Variants in CAPSL observed in about 807,000 individuals in gnomAD.
CAPSL encodes calcyphosine like, also known as calcyphosin-like protein.
Under a neutral mutation model 21.3 loss-of-function variants are expected in CAPSL, and 17 were observed. The observed-to-expected ratio is 0.80, with a 90% CI of 0.55 to 1.20. The LOEUF is 1.20. CAPSL is among the 50% of genes most tolerant of loss of function. The pLI, the probability that CAPSL is intolerant of heterozygous loss-of-function variation, is 0.00. For synonymous variants in CAPSL, 102 were observed against 89.3 expected, an observed-to-expected ratio of 1.14 and a Z score of -0.80; for missense variants, 289 against 259.3, an observed-to-expected ratio of 1.11 and a Z score of -0.79.
intron 2 of CAPSL, among the ~76,000 whole-genome samples, chr5:35,912,353 A>G: frequency 6.6e-6 from 1 of 152,176 alleles, no homozygotes. Context: ...GACAACTTTG[A>G]AGAGAGTAAT....
intron 1 of CAPSL, among the ~76,000 whole-genome samples, chr5:35,923,382 G>A (rs1362642100): frequency 1.3e-5 from 2 of 152,118 alleles, no homozygotes; most frequent in African/African-American, 4.8e-5. Flanking sequence ...GTAAGCATGT[G>A]TCCAGTTCCC....
At chr5:35,914,565 C>T (rs1304021015) in intron 2 of CAPSL, among the ~76,000 whole-genome samples, 11 of 152,082 alleles carry the variant, frequency 7.2e-5, no homozygotes, top group Admixed American at 7.2e-4. Context: ...TCACTCAAAA[C>T]CTCTCAACTA....
intron 1 of CAPSL, among the ~76,000 whole-genome samples, chr5:35,933,765 C>G (rs1738877425): frequency 6.6e-6 from 1 of 152,196 alleles, no homozygotes; most frequent in African/African-American, 2.4e-5. Context: ...CAACAGAGAA[C>G]TGTCCTGCTC....
chr5:35,904,430 A>C lies in CAPSL; in HGVS notation c.*115T>G. ...GCCCCAGAAAATGCAATATTTTGAC[A>C]CAGAAAAAAACATTAGGATGAGTGT... On this transcript the variant is annotated 3_prime_UTR_variant, in exon 5 of 5. Coordinates refer to ENST00000651391, the MANE Select transcript of CAPSL (RefSeq NM_001042625.2). 1 of 791,106 alleles carries C rather than the reference A, an allele frequency of 1.3e-6. No homozygotes were observed. The highest frequency in any genetic ancestry group is 1.8e-5 in the South Asian group (1 of 55,734). The allele number at this position is 791,106 out of a possible 1,614,324, so 49.0% of individuals were successfully genotyped here.
rs766095343 is a variant in CAPSL, at chr5:35,910,110, A to T, written c.316-35T>A. ...TAGAAGAATACATACAGAGACATAC[A>T]TAAGCAAATGAGCTTTTTTGGTATC... On this transcript the variant is annotated intron_variant, in intron 3 of 4. Coordinates refer to ENST00000651391, the MANE Select transcript of CAPSL (RefSeq NM_001042625.2). 4 of 1,530,802 alleles carry T rather than the reference A, an allele frequency of 2.6e-6. No homozygotes were observed. The African/African-American group carries it at 5.6e-5, about 21-fold the overall frequency. The allele number at this position is 1,530,802 out of a possible 1,614,324, so 94.8% of individuals were successfully genotyped here. A position where few individuals can be genotyped will look rare whatever the true frequency, so the allele number is the denominator to read the frequency against.
chr5:35,910,316 C>CTA (rs777462789), intron 3 of CAPSL, 50 bp downstream of exon 3: 4 of 1,578,488 alleles, frequency 2.5e-6, no homozygotes, highest in Non-Finnish European at 3.4e-6. Context: ...CCAACCCAAA[C>CTA]CACGTGAAAG....
At chr5:35,904,710 C>T (rs868686912) in intron 4 of CAPSL, 64 bp from the exon 5 acceptor site, 3 of 1,596,856 alleles carry the variant, frequency 1.9e-6, no homozygotes, top group Non-Finnish European at 2.6e-6. Context: ...TGGGCGCCCA[C>T]CTTGTGCACC....
In CAPSL at chr5:35,910,593, G is replaced by GT. The variant is rs773445907; in HGVS notation, c.138-51dup. On this transcript the variant is annotated intron_variant, in intron 2 of 4. Coordinates refer to ENST00000651391, the MANE Select transcript of CAPSL (RefSeq NM_001042625.2). ...CAGAAGAAATGTACAAATAACAGGT[G>GT]TAAGTGTAAAGATTAAAAAAAAATC... 28 of 1,346,606 alleles carry GT rather than the reference G, an allele frequency of 2.1e-5. No homozygotes were observed. In the African/African-American group the frequency reaches 2.3e-4, roughly 11 times the overall value. The allele number at this position is 1,346,606 out of a possible 1,614,324, so 83.4% of individuals were successfully genotyped here. A position where few individuals can be genotyped will look rare whatever the true frequency, so the allele number is the denominator to read the frequency against.
intron 1 of CAPSL, 45 bp from the exon 2 acceptor site, chr5:35,921,165 C>A: frequency 6.3e-7 from 1 of 1,594,182 alleles, no homozygotes. Flanking sequence ...GGCCTCGCCG[C>A]TGCCTCTGGC....
chr5:35,937,730 A>G (rs1030579485), intron 1 of CAPSL, among the ~76,000 whole-genome samples: 1 of 152,134 alleles, frequency 6.6e-6, no homozygotes, highest in East Asian at 1.9e-4. Flanking sequence ...GGTAATTTTT[A>G]TCAGAATATA....
rs1760625834 is a variant in CAPSL at position 35,904,484 on chromosome 5, C to A, written c.*61G>T. 1.7e-6 allele frequency: 2 copies of A among 1,208,978 alleles called. No homozygotes were observed. Among genetic ancestry groups the A allele is most frequent in the Non-Finnish European group, 2.4e-6 (2 of 830,504 alleles). 74.9% of individuals were successfully genotyped at this position (1,208,978 alleles called of 1,614,324 possible). A position where few individuals can be genotyped will look rare whatever the true frequency, so the allele number is the denominator to read the frequency against. ...ATCAAATACGATTCTGGTTTTTGAGCTGACATTTAGTCATTTGGAGCCACA... is the reference window on the plus strand; with the variant it reads ...ATCAAATACGATTCTGGTTTTTGAGATGACATTTAGTCATTTGGAGCCACA... On this transcript the variant is annotated 3_prime_UTR_variant, in exon 5 of 5. Coordinates refer to ENST00000651391, the MANE Select transcript of CAPSL (RefSeq NM_001042625.2).
At chr5:35,930,026 C>G (rs1358396516) in intron 1 of CAPSL, among the ~76,000 whole-genome samples, 2 of 152,094 alleles carry the variant, frequency 1.3e-5, no homozygotes, top group East Asian at 3.8e-4. Flanking sequence ...ACTATTTTCC[C>G]ACAATTTATT....
intron 1 of CAPSL, among the ~76,000 whole-genome samples, chr5:35,929,785 C>G (rs1738775934): frequency 6.6e-6 from 1 of 152,142 alleles, no homozygotes; most frequent in South Asian, 2.1e-4. Flanking sequence ...CAGAGCAAAT[C>G]TGGGCCACTC....
At chr5:35,936,108 G>A (rs1431822810) in intron 1 of CAPSL, among the ~76,000 whole-genome samples, 3 of 150,282 alleles carry the variant, frequency 2.0e-5, no homozygotes, top group Non-Finnish European at 3.0e-5. Context: ...TCCAGACCTT[G>A]CCTTGAAAGA....
intron 1 of CAPSL, among the ~76,000 whole-genome samples, chr5:35,927,279 G>T (rs1478958633): frequency 6.6e-6 from 1 of 152,146 alleles, no homozygotes. Context: ...CCCACCTCTT[G>T]ATGCTGTTAA....
chr5:35,936,502 C>T (rs1288685018), intron 1 of CAPSL, among the ~76,000 whole-genome samples: 1 of 152,190 alleles, frequency 6.6e-6, no homozygotes, highest in Non-Finnish European at 1.5e-5. Context: ...TGGTCTTCAC[C>T]CTGTCATTCC....
At chr5:35,911,382 T>C (rs990534051) in intron 2 of CAPSL, among the ~76,000 whole-genome samples, 2 of 152,238 alleles carry the variant, frequency 1.3e-5, no homozygotes, top group South Asian at 4.1e-4. Context: ...ATAAATCATG[T>C]TAATCATACA....
intron 2 of CAPSL, among the ~76,000 whole-genome samples, chr5:35,913,748 A>G (rs1561437460): frequency 6.6e-6 from 1 of 152,214 alleles, no homozygotes; most frequent in Non-Finnish European, 1.5e-5. Context: ...CAGCCACTGC[A>G]AAAACATGCC....
chr5:35,923,011 C>G (rs1738579167), intron 1 of CAPSL, among the ~76,000 whole-genome samples: 1 of 152,080 alleles, frequency 6.6e-6, no homozygotes, highest in Non-Finnish European at 1.5e-5. Context: ...CTGGTGTCAA[C>G]AACATGCCCT....
Sources: allele counts gnomAD v4.1 joint callset (sites outside exome capture counted in the v4.1 genomes callset), GRCh38; gene constraint gnomAD v4.1.1; transcripts MANE v1.5; gene names NCBI Gene and HGNC (gene_info 2026-07-23, HGNC 2026-07-21).